Variants in NFIA observed in about 807,000 individuals in gnomAD.
The protein encoded by NFIA is nuclear factor I A.
Under a neutral mutation model 62.8 loss-of-function variants are expected in NFIA, and 8 were observed. The observed-to-expected ratio is 0.13, with a 90% CI of 0.07 to 0.23. The LOEUF (loss-of-function observed/expected upper bound fraction) is 0.23. Ranked by LOEUF, NFIA falls within the 10% of genes least tolerant of loss-of-function variation. The pLI, the probability that NFIA is intolerant of heterozygous loss-of-function variation, is 1.00. For synonymous variants in NFIA, 235 were observed against 238.1 expected, an observed-to-expected ratio of 0.99 and a Z score of 0.12; for missense variants, 410 against 642.1, an observed-to-expected ratio of 0.64 and a Z score of 3.91.
chr1:61,370,745 C>T (rs575376566), intron 6 of NFIA, among the ~76,000 whole-genome samples: 5 of 152,190 alleles, frequency 3.3e-5, no homozygotes, highest in South Asian at 2.1e-4. Context: ...TGTGAATGTT[C>T]GGTATTTATT....
chr1:61,193,104 A>T (rs1389191630), intron 2 of NFIA, among the ~76,000 whole-genome samples: 1 of 152,190 alleles, frequency 6.6e-6, no homozygotes, highest in African/African-American at 2.4e-5. Context: ...GAATCCTCTA[A>T]TGTGGGGGAA....
chr1:61,344,398 C>T (rs1269196479), intron 4 of NFIA, among the ~76,000 whole-genome samples: 1 of 152,216 alleles, frequency 6.6e-6, no homozygotes, highest in African/African-American at 2.4e-5. Flanking sequence ...CTCCCCCGGT[C>T]TTCAAATACA....
chr1:61,082,150 A>G (rs1262879159), upstream of NFIA: 8 of 659,978 alleles, frequency 1.2e-5, no homozygotes, highest in Admixed American at 6.8e-5. Flanking sequence ...CCGGGAGTAC[A>G]GACTGTAACT....
intron 2 of NFIA, among the ~76,000 whole-genome samples, chr1:61,183,181 CTT>C (rs1295866575): frequency 6.6e-6 from 1 of 152,008 alleles, no homozygotes; most frequent in Non-Finnish European, 1.5e-5. Context: ...TCAGAGGTTT[CTT>C]TTAATTTCTT....
intron 2 of NFIA, among the ~76,000 whole-genome samples, chr1:61,195,381 C>T (rs1025391839): frequency 2.0e-5 from 3 of 152,050 alleles, no homozygotes; most frequent in African/African-American, 4.8e-5. Context: ...CCCAAGGAGC[C>T]GGAAGTCTTT....
chr1:61,201,876 G>A (rs1446481594), intron 2 of NFIA, among the ~76,000 whole-genome samples: 2 of 152,018 alleles, frequency 1.3e-5, no homozygotes, highest in African/African-American at 2.4e-5. Flanking sequence ...TGGGCTAAGA[G>A]TATTTAATAA....
chr1:61,388,701 G>C (rs1664823492), intron 7 of NFIA, among the ~76,000 whole-genome samples: 1 of 152,198 alleles, frequency 6.6e-6, no homozygotes, highest in Non-Finnish European at 1.5e-5. Flanking sequence ...GTTATGGTCT[G>C]GGAATCTTTT....
intron 2 of NFIA, among the ~76,000 whole-genome samples, chr1:61,220,947 A>T (rs1236129002): frequency 6.6e-6 from 1 of 152,242 alleles, no homozygotes; most frequent in African/African-American, 2.4e-5. Flanking sequence ...TTCCATACAG[A>T]TACTTGCAGT....
At chr1:61,141,890 A>G (rs1482177531) in intron 2 of NFIA, among the ~76,000 whole-genome samples, 1 of 152,242 alleles carries the variant, frequency 6.6e-6, no homozygotes, top group Non-Finnish European at 1.5e-5. Context: ...TAGGTATGCA[A>G]ACATGCCAAA....
At chr1:61,187,515 A>G (rs566869411) in intron 2 of NFIA, among the ~76,000 whole-genome samples, 2 of 152,320 alleles carry the variant, frequency 1.3e-5, no homozygotes, top group Non-Finnish European at 1.5e-5. Context: ...TGGTGGTGGC[A>G]TGGAGATGCG....
upstream of NFIA, chr1:61,082,198 G>A (rs1646107210): frequency 2.2e-6 from 1 of 462,426 alleles, no homozygotes; most frequent in African/African-American, 2.1e-5. Context: ...GCTGATCGGG[G>A]GAGGGGGCGG....
intron 2 of NFIA, chr1:61,132,947 C>T (rs957913198): frequency 6.6e-6 from 1 of 151,984 alleles, no homozygotes; most frequent in Non-Finnish European, 1.5e-5. Flanking sequence ...CAGACACTGC[C>T]CCCCCCACCC....
At chr1:61,116,366 A>C (rs969389094) in intron 2 of NFIA, among the ~76,000 whole-genome samples, 1 of 152,226 alleles carries the variant, frequency 6.6e-6, no homozygotes, top group African/African-American at 2.4e-5. Flanking sequence ...TGCAGAAAAC[A>C]TGGGCATAGA....
intron 4 of NFIA, 51 bp downstream of exon 4, chr1:61,332,637 T>C: frequency 6.5e-7 from 1 of 1,533,690 alleles, no homozygotes; most frequent in Non-Finnish European, 9.0e-7. Flanking sequence ...GGTTTGTGCT[T>C]ACTTTCTGCC....
chr1:61,288,031 T>C (rs1281546102), intron 3 of NFIA, among the ~76,000 whole-genome samples: 1 of 152,314 alleles, frequency 6.6e-6, no homozygotes, highest in East Asian at 1.9e-4. Context: ...GTAGTTTTCT[T>C]GGAACAATAA....
At chr1:61,166,222 C>G (rs1190070072) in intron 2 of NFIA, among the ~76,000 whole-genome samples, 2 of 152,130 alleles carry the variant, frequency 1.3e-5, no homozygotes, top group African/African-American at 4.8e-5. Context: ...CATTCAATAT[C>G]TACCTATAAT....
chr1:61,321,191 T>G (rs1489810120), intron 3 of NFIA, among the ~76,000 whole-genome samples: 1 of 151,846 alleles, frequency 6.6e-6, no homozygotes, highest in Non-Finnish European at 1.5e-5. Context: ...TTTTCTAATA[T>G]GATGCAAAAT....
In NFIA at chr1:61,424,798, G is replaced by T. The variant is rs911597876; in HGVS notation, c.1421-1667G>T. On this transcript the variant is annotated intron_variant, in intron 9 of 10. Coordinates refer to ENST00000403491, the MANE Select transcript of NFIA (RefSeq NM_001134673.4). ...TCAAAGCATATCAAAGTAAAGCCATGGGGTGAATGGTACACTTAATATAGA... is the reference window on the plus strand; with the variant it reads ...TCAAAGCATATCAAAGTAAAGCCATTGGGTGAATGGTACACTTAATATAGA... Among the ~76,000 whole-genome samples, 20 of 152,198 alleles carry T rather than the reference G, an allele frequency of 1.3e-4. 1 individual carries two copies. The highest frequency in any genetic ancestry group is 1.3e-3 in the Admixed American group (20 of 15,284).
chr1:61,400,552 C>CT (rs1410460525), intron 7 of NFIA, among the ~76,000 whole-genome samples: 1 of 152,166 alleles, frequency 6.6e-6, no homozygotes, highest in Non-Finnish European at 1.5e-5. Flanking sequence ...TGAGAAAAGC[C>CT]TTTATTGACT....
Sources: gnomAD v4.1 joint callset for allele counts (sites outside exome capture counted in the v4.1 genomes callset) on GRCh38, gnomAD v4.1.1 for gene constraint, MANE v1.5 for transcripts, NCBI Gene and HGNC (gene_info 2026-07-23, HGNC 2026-07-21) for gene names.